Variants in PPARGC1A observed in about 807,000 individuals in gnomAD.
PPARGC1A encodes the protein PPARG coactivator 1 alpha, also known as peroxisome proliferator-activated receptor gamma coactivator 1-alpha.
In PPARGC1A, 25 loss-of-function variants were observed where a neutral mutation model predicts 88.7. That is an observed-to-expected ratio of 0.28 (90% confidence interval 0.21 to 0.39). The LOEUF (loss-of-function observed/expected upper bound fraction) is 0.39, where lower values mean the gene tolerates loss of function less well. PPARGC1A is among the 10% of genes least tolerant of loss of function. The pLI, the probability that PPARGC1A is intolerant of heterozygous loss-of-function variation, is 1.00. For synonymous variants in PPARGC1A, 363 were observed against 355.6 expected (o/e 1.02, Z -0.24); for missense variants, 880 against 968.7 (o/e 0.91, Z 1.22).
At chr4:24,160,109 T>A in the PPARGC1A span, among the ~76,000 whole-genome samples, 2 of 152,192 alleles carry the variant, frequency 1.3e-5, no homozygotes, top group Non-Finnish European at 2.9e-5. Flanking sequence ...CCAGCTCTCC[T>A]TCTCAACCAC....
chr4:24,459,777 C>T, the PPARGC1A span, among the ~76,000 whole-genome samples: 26 of 152,216 alleles, frequency 1.7e-4, 1 homozygote, highest in African/African-American at 5.1e-4. Flanking sequence ...AGCGACAGAG[C>T]GAGACCCTGT....
chr4:24,130,044 T>TGAG, the PPARGC1A span, among the ~76,000 whole-genome samples: 1 of 152,112 alleles, frequency 6.6e-6, no homozygotes, highest in Non-Finnish European at 1.5e-5. Flanking sequence ...ATATACCTAA[T>TGAG]GTTAAATGAG....
chr4:24,196,741 T>C, the PPARGC1A span, among the ~76,000 whole-genome samples: 1 of 152,222 alleles, frequency 6.6e-6, no homozygotes, highest in Non-Finnish European at 1.5e-5. Context: ...CCATCTCAAA[T>C]GCTAAACAAA....
the PPARGC1A span, among the ~76,000 whole-genome samples, chr4:24,392,150 A>C: frequency 6.6e-6 from 1 of 152,176 alleles, no homozygotes; most frequent in Non-Finnish European, 1.5e-5. Flanking sequence ...CAATGAAAAA[A>C]ATTATCATGG....
the PPARGC1A span, among the ~76,000 whole-genome samples, chr4:24,176,855 T>C: frequency 4.3e-4 from 66 of 152,294 alleles, no homozygotes; most frequent in Non-Finnish European, 7.1e-4. Context: ...GGCCCTGTTT[T>C]ACACATTCTG....
chr4:23,822,145 G>A (rs1413095877), intron 7 of PPARGC1A, among the ~76,000 whole-genome samples: 1 of 152,052 alleles, frequency 6.6e-6, no homozygotes. Context: ...AAGAGTCTTA[G>A]CAATCAAAAG....
the PPARGC1A span, among the ~76,000 whole-genome samples, chr4:23,911,679 AG>A: frequency 6.6e-6 from 1 of 152,346 alleles, no homozygotes; most frequent in Non-Finnish European, 1.5e-5. Flanking sequence ...GTGTCCATCA[AG>A]GACTAGAGAA....
chr4:24,437,730 T>C, the PPARGC1A span, among the ~76,000 whole-genome samples: 1 of 151,938 alleles, frequency 6.6e-6, no homozygotes, highest in South Asian at 2.1e-4. Flanking sequence ...AGTGCAATGG[T>C]GCGATCTCAG....
chr4:24,466,886 CAAA>C, the PPARGC1A span, among the ~76,000 whole-genome samples: 2 of 68,272 alleles, frequency 2.9e-5, no homozygotes, highest in South Asian at 6.7e-4. Flanking sequence ...TGCACACCAG[CAAA>C]AAAAAAAAAA....
the PPARGC1A span, among the ~76,000 whole-genome samples, chr4:23,949,538 T>A: frequency 1.3e-5 from 2 of 152,312 alleles, no homozygotes; most frequent in African/African-American, 4.8e-5. Flanking sequence ...TTAGACTATT[T>A]AAATACGTCA....
chr4:24,015,908 C>T, the PPARGC1A span, among the ~76,000 whole-genome samples: 2 of 152,116 alleles, frequency 1.3e-5, no homozygotes, highest in East Asian at 1.9e-4. Context: ...TTATTGCCAA[C>T]AGTTGCTAAA....
chr4:24,420,081 C>T, the PPARGC1A span, among the ~76,000 whole-genome samples: 3 of 152,338 alleles, frequency 2.0e-5, no homozygotes, highest in African/African-American at 7.2e-5. Context: ...TGCCATCAGA[C>T]ACTTATAACT....
chr4:23,984,421 C>T, the PPARGC1A span, among the ~76,000 whole-genome samples: 1 of 152,122 alleles, frequency 6.6e-6, no homozygotes, highest in African/African-American at 2.4e-5. Context: ...TCTATTCCAA[C>T]TTCCAGTGGG....
chr4:24,015,630 G>A, the PPARGC1A span, among the ~76,000 whole-genome samples: 2 of 152,058 alleles, frequency 1.3e-5, no homozygotes, highest in African/African-American at 4.8e-5. Flanking sequence ...AGTTCACAGT[G>A]GCGTGTGTGC....
the PPARGC1A span, among the ~76,000 whole-genome samples, chr4:24,375,180 C>T: frequency 6.6e-6 from 1 of 152,010 alleles, no homozygotes; most frequent in Non-Finnish European, 1.5e-5. Flanking sequence ...TTGAAGAAAA[C>T]AGTATTATTA....
chr4:24,401,906 G>T, the PPARGC1A span, among the ~76,000 whole-genome samples: 10 of 152,202 alleles, frequency 6.6e-5, no homozygotes, highest in Non-Finnish European at 1.5e-4. Context: ...AGAAACTGGG[G>T]TTTAAAGAAG....
At chr4:23,960,198 G>A in the PPARGC1A span, among the ~76,000 whole-genome samples, 2 of 152,238 alleles carry the variant, frequency 1.3e-5, no homozygotes, top group Non-Finnish European at 2.9e-5. Flanking sequence ...TGTCGGGAAT[G>A]TCTCTAGATC....
At chr4:24,100,123 A>C in the PPARGC1A span, among the ~76,000 whole-genome samples, 8 of 152,204 alleles carry the variant, frequency 5.3e-5, no homozygotes, top group African/African-American at 1.9e-4. Flanking sequence ...AAGTATAATT[A>C]ATATATATAT....
chr4:24,002,527 AG>A, the PPARGC1A span, among the ~76,000 whole-genome samples: 1 of 152,040 alleles, frequency 6.6e-6, no homozygotes, highest in Non-Finnish European at 1.5e-5. Context: ...ACAGCCGCAA[AG>A]GTTTAAAAAG....
Sources: allele counts gnomAD v4.1 joint callset (sites outside exome capture counted in the v4.1 genomes callset), GRCh38; gene constraint gnomAD v4.1.1; transcripts MANE v1.5; gene names NCBI Gene and HGNC (gene_info 2026-07-23, HGNC 2026-07-21).